KCNN2: variants seen among roughly 807,000 people sequenced by gnomAD.
KCNN2 encodes small conductance calcium-activated potassium channel protein 2.
In KCNN2, 24 loss-of-function variants were observed where a neutral mutation model predicts 55.5. That is an observed-to-expected ratio of 0.43 (90% CI 0.31 to 0.61). The LOEUF is 0.61. Among genes scored for constraint, KCNN2 ranks in the 20% least tolerant of loss-of-function variants. KCNN2 has a pLI of 0.08. For missense variants in KCNN2, 754 were observed against 853.6 expected, an observed-to-expected ratio of 0.88 and a Z score of 1.45; for synonymous variants, 431 against 336.1, an observed-to-expected ratio of 1.28 and a Z score of -3.09.
At chr5:114,154,635 A>C (rs1752594116) in intron 1 of KCNN2, among the ~76,000 whole-genome samples, 1 of 152,168 alleles carries the variant, frequency 6.6e-6, no homozygotes, top group Non-Finnish European at 1.5e-5. Flanking sequence ...ACTTGTAGGC[A>C]TGTCTCTGGG....
chr5:114,148,982 C>T (rs1169530168), intron 1 of KCNN2, among the ~76,000 whole-genome samples: 1 of 152,128 alleles, frequency 6.6e-6, no homozygotes. Context: ...GGAAGTAAAA[C>T]ACCATCTCTC....
intron 3 of KCNN2, among the ~76,000 whole-genome samples, chr5:114,461,973 G>C (rs955236255): frequency 1.5e-4 from 23 of 152,194 alleles, no homozygotes; most frequent in Non-Finnish European, 2.5e-4. Context: ...AGTGGTATCT[G>C]AGAGATGGGA....
intron 2 of KCNN2, among the ~76,000 whole-genome samples, chr5:114,384,611 G>C (rs1237746477): frequency 6.6e-6 from 1 of 152,184 alleles, no homozygotes; most frequent in African/African-American, 2.4e-5. Context: ...ACCAAATTAA[G>C]TGGCATGGTG....
At chr5:114,114,267 T>C (rs868469466) in intron 1 of KCNN2, among the ~76,000 whole-genome samples, 3 of 152,112 alleles carry the variant, frequency 2.0e-5, no homozygotes, top group African/African-American at 4.8e-5. Flanking sequence ...CTCACTCTTT[T>C]TCCCAGGCTG....
intron 1 of KCNN2, among the ~76,000 whole-genome samples, chr5:114,111,362 T>G (rs1751592339): frequency 6.6e-6 from 1 of 152,160 alleles, no homozygotes; most frequent in Non-Finnish European, 1.5e-5. Flanking sequence ...ATGTAATACC[T>G]AAAACCATGA....
intron 2 of KCNN2, among the ~76,000 whole-genome samples, chr5:114,236,142 C>G (rs1203663049): frequency 2.0e-5 from 3 of 151,960 alleles, no homozygotes; most frequent in African/African-American, 7.3e-5. Flanking sequence ...TTTGGTAGTC[C>G]ATTGTTATTC....
intron 2 of KCNN2, among the ~76,000 whole-genome samples, chr5:114,316,939 G>A (rs183777630): frequency 1.1e-4 from 17 of 152,322 alleles, no homozygotes; most frequent in African/African-American, 2.9e-4. Context: ...CAGTCATTTG[G>A]TAAATGATTA....
intron 1 of KCNN2, among the ~76,000 whole-genome samples, chr5:114,141,630 G>C (rs549231917): frequency 5.2e-4 from 79 of 152,254 alleles, no homozygotes; most frequent in African/African-American, 1.7e-3. Flanking sequence ...GATTTATAAT[G>C]CTTTGGGTAT....
chr5:114,217,740 G>T (rs1754036150), intron 1 of KCNN2, among the ~76,000 whole-genome samples: 2 of 152,198 alleles, frequency 1.3e-5, no homozygotes, highest in South Asian at 4.1e-4. Flanking sequence ...ATGAAAGAAA[G>T]AATTGATAAG....
chr5:114,247,518 A>G (rs984342860), intron 2 of KCNN2, among the ~76,000 whole-genome samples: 2 of 152,228 alleles, frequency 1.3e-5, no homozygotes, highest in Non-Finnish European at 2.9e-5. Flanking sequence ...TAATTTCTAA[A>G]GACTTTTTAA....
At chr5:114,186,014 C>T (rs114295476) in intron 1 of KCNN2, among the ~76,000 whole-genome samples, 36 of 152,260 alleles carry the variant, frequency 2.4e-4, no homozygotes, top group African/African-American at 8.4e-4. Context: ...TATGTGTACT[C>T]TGATTTATGT....
At chr5:114,488,284 G>C (rs1251251986) in intron 6 of KCNN2, among the ~76,000 whole-genome samples, 1 of 152,086 alleles carries the variant, frequency 6.6e-6, no homozygotes, top group Admixed American at 6.6e-5. Flanking sequence ...TGCACGTATG[G>C]TAGAGTATCT....
chr5:114,341,903 T>C (rs1279000669), intron 2 of KCNN2, among the ~76,000 whole-genome samples: 1 of 146,826 alleles, frequency 6.8e-6, no homozygotes, highest in East Asian at 1.9e-4. Flanking sequence ...TTTCATAATG[T>C]GTTTTTTTTT....
intron 3 of KCNN2, among the ~76,000 whole-genome samples, chr5:114,456,573 A>G (rs940724494): frequency 3.3e-5 from 5 of 152,352 alleles, no homozygotes; most frequent in Middle Eastern, 3.4e-3. Flanking sequence ...TATTATTTCA[A>G]AAATACATTT....
At chr5:114,130,258 A>T (rs1752044699) in intron 1 of KCNN2, among the ~76,000 whole-genome samples, 1 of 152,156 alleles carries the variant, frequency 6.6e-6, no homozygotes, top group African/African-American at 2.4e-5. Context: ...ATCCTTGGTT[A>T]GATATAGATC....
chr5:114,443,562 G>A (rs896440549), intron 3 of KCNN2, among the ~76,000 whole-genome samples: 1 of 152,196 alleles, frequency 6.6e-6, no homozygotes, highest in Admixed American at 6.5e-5. Context: ...AGAACACAAG[G>A]ATCTCAAATT....
At chr5:114,111,462 A>G (rs1751595333) in intron 1 of KCNN2, among the ~76,000 whole-genome samples, 1 of 152,218 alleles carries the variant, frequency 6.6e-6, no homozygotes, top group African/African-American at 2.4e-5. Flanking sequence ...AAGGGCAACA[A>G]AAGCCCAAAT....
intron 2 of KCNN2, among the ~76,000 whole-genome samples, chr5:114,353,505 T>C (rs1336208383): frequency 1.3e-5 from 2 of 151,882 alleles, no homozygotes; most frequent in East Asian, 1.9e-4. Flanking sequence ...TGAAATTATA[T>C]TGTTTTTTAT....
intron 2 of KCNN2, among the ~76,000 whole-genome samples, chr5:114,279,880 C>T (rs1355821741): frequency 6.6e-6 from 1 of 152,182 alleles, no homozygotes; most frequent in Non-Finnish European, 1.5e-5. Flanking sequence ...GCCATACTGT[C>T]TTCCACAATA....
Sources: gnomAD v4.1 joint callset for allele counts (sites outside exome capture counted in the v4.1 genomes callset) on GRCh38, gnomAD v4.1.1 for gene constraint, MANE v1.5 for transcripts, NCBI Gene and HGNC (gene_info 2026-07-23, HGNC 2026-07-21) for gene names.